The following SLC22A24 variants were observed in gnomAD, a reference collection of about 807,000 sequenced individuals.
SLC22A24 encodes solute carrier family 22 member 24, also known as steroid transmembrane transporter SLC22A24.
SLC22A24 carries 53 observed loss-of-function variants against 49.8 expected under a neutral mutation model. That is an observed-to-expected ratio of 1.06 (90% CI 0.85 to 1.34). The LOEUF (loss-of-function observed/expected upper bound fraction) is 1.34, where lower values mean the gene tolerates loss of function less well. Ranked by LOEUF, SLC22A24 falls within the 40% of genes most tolerant of loss-of-function variation. SLC22A24 has a pLI of 0.00. For missense variants in SLC22A24, 786 were observed against 675.9 expected, an observed-to-expected ratio of 1.16 and a Z score of -1.81; for synonymous variants, 302 against 256.4, an observed-to-expected ratio of 1.18 and a Z score of -1.70.
intron 4 of SLC22A24, among the ~76,000 whole-genome samples, chr11:63,112,879 G>T (rs997383116): frequency 6.6e-6 from 1 of 151,114 alleles, no homozygotes; most frequent in Non-Finnish European, 1.5e-5. Flanking sequence ...GCAAGGCATG[G>T]TGATGAGTGC....
chr11:63,106,106 G>A (rs185666733), intron 4 of SLC22A24, among the ~76,000 whole-genome samples: 5 of 108,032 alleles, frequency 4.6e-5, no homozygotes, highest in Admixed American at 1.4e-4. Flanking sequence ...AACAGTCCCC[G>A]GTGTGTGATG....
chr11:63,131,347 T>G (rs992836514), intron 2 of SLC22A24, among the ~76,000 whole-genome samples: 2 of 152,220 alleles, frequency 1.3e-5, no homozygotes, highest in Admixed American at 6.5e-5. Flanking sequence ...TTTTGCCTGT[T>G]AATTGAGGCA....
intron 6 of SLC22A24, among the ~76,000 whole-genome samples, chr11:63,087,024 G>GCA (rs1555045310): frequency 0.099 from 13,156 of 132,522 alleles, 750 homozygotes; most frequent in Middle Eastern, 0.17. Flanking sequence ...CCTGGAGGGC[G>GCA]CACACACACA....
At chr11:63,085,826 CA>C (rs2086984114) in intron 6 of SLC22A24, among the ~76,000 whole-genome samples, 1 of 152,154 alleles carries the variant, frequency 6.6e-6, no homozygotes, top group Admixed American at 6.5e-5. Flanking sequence ...CTGCCAAAAC[CA>C]ATGATTATTC....
At chr11:63,102,271 A>G (rs1354308806) in intron 5 of SLC22A24, among the ~76,000 whole-genome samples, 2 of 152,112 alleles carry the variant, frequency 1.3e-5, no homozygotes, top group East Asian at 3.8e-4. Context: ...ATGGCTTTGG[A>G]ATACTGTTAT....
At chr11:63,122,194 T>G (rs2087256913) in intron 2 of SLC22A24, among the ~76,000 whole-genome samples, 1 of 152,154 alleles carries the variant, frequency 6.6e-6, no homozygotes, top group Non-Finnish European at 1.5e-5. Flanking sequence ...GTAGTTACCA[T>G]GGGGATTTAC....
chr11:63,118,925 A>G lies in SLC22A24; in HGVS notation c.817T>C (p.Phe273Leu). The G allele has an allele frequency of 6.4e-7, 1 of 1,552,160 alleles. No individual in the cohort carries two copies. The change falls in exon 4 of 10, where the codon TTC becomes CTC. Residue 273 changes from phenylalanine to leucine, a missense_variant. By Grantham distance (22) the Phe-to-Leu change is conservative. Transcript: ENST00000612278. ...LTVSTPIIVL[F>L]LSSWKMVESA... is the part of the protein sequence containing the mutation. ...GATTGTTCATACCAAGAGGACAAGA[A>G]GAGGACAATTATGGGTGTAGACACA...
intron 4 of SLC22A24, among the ~76,000 whole-genome samples, chr11:63,110,079 T>G (rs2087151629): frequency 1.3e-5 from 2 of 152,052 alleles, no homozygotes; most frequent in East Asian, 3.9e-4. Context: ...TAGCCAGTTT[T>G]CCCAGCACCA....
intron 4 of SLC22A24, among the ~76,000 whole-genome samples, chr11:63,106,391 A>G (rs2087121935): frequency 2.0e-5 from 3 of 152,090 alleles, no homozygotes; most frequent in Admixed American, 1.3e-4. Context: ...TGCAATAAAC[A>G]TATGTGTGCA....
At chr11:63,115,256 C>G (rs2087203568) in intron 4 of SLC22A24, among the ~76,000 whole-genome samples, 1 of 152,348 alleles carries the variant, frequency 6.6e-6, no homozygotes, top group African/African-American at 2.4e-5. Context: ...TTTACCTACT[C>G]AAGCCTCAGC....
At chr11:63,093,673 T>C (rs1242052619) in intron 6 of SLC22A24, among the ~76,000 whole-genome samples, 1 of 151,848 alleles carries the variant, frequency 6.6e-6, no homozygotes, top group Admixed American at 6.6e-5. Context: ...AGGGGAACAA[T>C]AGACACTGGG....
chr11:63,099,140 A>G (rs896264778), intron 5 of SLC22A24, among the ~76,000 whole-genome samples: 3 of 152,088 alleles, frequency 2.0e-5, no homozygotes, highest in African/African-American at 7.2e-5. Context: ...CAGCAAAGTA[A>G]GCACAGGAAC....
chr11:63,096,183 C>T, intron 5 of SLC22A24, 77 bp from the exon 6 acceptor site: 1 of 894,962 alleles, frequency 1.1e-6, no homozygotes. Context: ...TACTAGAGAA[C>T]AAGATAGACA....
Position 63,099,117 on chromosome 11 carries a change from A to G in SLC22A24, c.955-3011T>C, listed in dbSNP as rs184749694. ...AAGAAGTAATGACATTGAAGCCACA[A>G]TACAAAGTCTCCCAGCAAAGTAAGC... On this transcript the variant is annotated intron_variant, in intron 5 of 9. Transcript: ENST00000612278. 8.8e-4 allele frequency among the ~76,000 whole-genome samples: 134 copies of G among 152,244 alleles called. No individual in the cohort carries two copies. In the East Asian group the frequency reaches 0.012, roughly 14 times the overall value.
chr11:63,108,630 G>T (rs1261318928), intron 4 of SLC22A24, among the ~76,000 whole-genome samples: 1 of 152,102 alleles, frequency 6.6e-6, no homozygotes, highest in East Asian at 1.9e-4. Context: ...TCTATTCAGA[G>T]ATTCAACTTT....
At chr11:63,118,815 T>A in intron 4 of SLC22A24, 97 bp downstream of exon 4, 1 of 1,286,226 alleles carries the variant, frequency 7.8e-7, no homozygotes, top group Admixed American at 2.0e-5. Flanking sequence ...GGCTCAGGAC[T>A]AGGCCAGAGA....
intron 6 of SLC22A24, among the ~76,000 whole-genome samples, chr11:63,087,775 G>A (rs2086996250): frequency 6.6e-6 from 1 of 152,178 alleles, no homozygotes. Context: ...GCTTTAGTAG[G>A]CAGTTTTCCC....
intron 9 of SLC22A24, among the ~76,000 whole-genome samples, 157 bp from the exon 10 acceptor site, chr11:63,080,157 GA>G (rs1229179840): frequency 6.6e-5 from 10 of 152,264 alleles, no homozygotes; most frequent in Admixed American, 2.6e-4. Flanking sequence ...TATTGTGTTG[GA>G]AAAGGCCCTG....
intron 4 of SLC22A24, among the ~76,000 whole-genome samples, chr11:63,115,043 C>A (rs2087201968): frequency 6.6e-6 from 1 of 152,220 alleles, no homozygotes; most frequent in East Asian, 1.9e-4. Context: ...AGGAGGCAGC[C>A]TGTCCATTCT....
Sources: allele counts gnomAD v4.1 joint callset (sites outside exome capture counted in the v4.1 genomes callset), GRCh38; gene constraint gnomAD v4.1.1; transcripts MANE v1.5; gene names NCBI Gene and HGNC (gene_info 2026-07-23, HGNC 2026-07-21).